The following LRMDA variants were observed in gnomAD, a reference collection of about 807,000 sequenced individuals.
The protein encoded by LRMDA is leucine-rich melanocyte differentiation-associated protein.
Under a neutral mutation model 29.8 loss-of-function variants are expected in LRMDA, and 18 were observed. That is an observed-to-expected ratio of 0.60 (90% CI 0.42 to 0.90). The LOEUF is 0.90. LRMDA is among the 40% of genes least tolerant of loss of function. LRMDA has a pLI of 0.00. For synonymous variants in LRMDA, 125 were observed against 109.4 expected (o/e 1.14, Z -0.89); for missense variants, 273 against 273.9 (o/e 1.00, Z 0.02).
At chr10:76,144,736 A>G (rs1187615790) in intron 5 of LRMDA, among the ~76,000 whole-genome samples, 1 of 152,080 alleles carries the variant, frequency 6.6e-6, no homozygotes, top group Non-Finnish European at 1.5e-5. Context: ...TATGTTGAAT[A>G]GGAGTGGTGA....
rs150040433 is a variant in LRMDA at position 75,472,471 on chromosome 10, G to A, written c.131+33977G>A. On this transcript the variant is annotated intron_variant, in intron 2 of 6. Coordinates refer to ENST00000611255, the MANE Select transcript of LRMDA (RefSeq NM_001305581.2). ...TACCCAAGCCCAGGCAAGAGGAAAT[G>A]AGTGTCATGTAAGTGGCAGAACTCC... 1.2e-4 allele frequency among the ~76,000 whole-genome samples: 19 copies of A among 152,368 alleles called. No individual in the cohort carries two copies. The East Asian group carries it at 3.7e-3, about 29-fold the overall frequency.
At chr10:75,557,764 C>A (rs1164806458) in intron 2 of LRMDA, among the ~76,000 whole-genome samples, 1 of 152,168 alleles carries the variant, frequency 6.6e-6, no homozygotes. Flanking sequence ...TAAGCAAGTG[C>A]CTCTGTTTTC....
intron 2 of LRMDA, among the ~76,000 whole-genome samples, chr10:75,514,724 C>T (rs145930554): frequency 6.6e-6 from 1 of 152,314 alleles, no homozygotes; most frequent in Non-Finnish European, 1.5e-5. Context: ...TCGCCTTCTG[C>T]TAGGAGTGAA....
intron 2 of LRMDA, among the ~76,000 whole-genome samples, chr10:75,976,486 C>G (rs1424523497): frequency 1.3e-5 from 2 of 152,186 alleles, no homozygotes; most frequent in African/African-American, 4.8e-5. Flanking sequence ...TGTGTATTGT[C>G]TGTCTACCCC....
chr10:75,842,089 G>A (rs544731799), intron 2 of LRMDA, among the ~76,000 whole-genome samples: 5 of 152,172 alleles, frequency 3.3e-5, no homozygotes, highest in African/African-American at 1.2e-4. Context: ...ATGAAAACTG[G>A]GTTTACTCTA....
At chr10:75,837,061 T>C (rs140037671) in intron 2 of LRMDA, among the ~76,000 whole-genome samples, 259 of 152,282 alleles carry the variant, frequency 1.7e-3, no homozygotes, top group African/African-American at 6.0e-3. Flanking sequence ...GAAATCTATA[T>C]TGATATACTG....
At chr10:75,927,795 G>C (rs1846144079) in intron 2 of LRMDA, among the ~76,000 whole-genome samples, 1 of 152,192 alleles carries the variant, frequency 6.6e-6, no homozygotes, top group Admixed American at 6.5e-5. Flanking sequence ...TTACAAAGCA[G>C]GTCTAATGTA....
intron 5 of LRMDA, 24 bp downstream of exon 5, chr10:76,058,807 T>C (rs1248750411): frequency 1.3e-6 from 2 of 1,550,756 alleles, no homozygotes; most frequent in Non-Finnish European, 1.8e-6. Context: ...TTGCTGTTCT[T>C]CACAAGGGAT....
At chr10:75,629,615 CTT>C (rs5786182) in intron 2 of LRMDA, among the ~76,000 whole-genome samples, 12 of 151,452 alleles carry the variant, frequency 7.9e-5, no homozygotes, top group Non-Finnish European at 1.5e-4. Flanking sequence ...ATTAAGTCCT[CTT>C]TTTTTTTTAC....
intron 2 of LRMDA, among the ~76,000 whole-genome samples, chr10:75,614,660 A>C (rs1841076458): frequency 6.6e-6 from 1 of 152,074 alleles, no homozygotes; most frequent in South Asian, 2.1e-4. Flanking sequence ...CCCTGTGTTT[A>C]TATATTTATC....
intron 5 of LRMDA, among the ~76,000 whole-genome samples, chr10:76,236,324 A>G (rs1041924369): frequency 6.6e-6 from 1 of 152,200 alleles, no homozygotes. Flanking sequence ...CATTGTTCCT[A>G]TAGACAGGAT....
intron 2 of LRMDA, among the ~76,000 whole-genome samples, chr10:75,792,147 C>A (rs1026306026): frequency 8.5e-5 from 13 of 152,060 alleles, no homozygotes; most frequent in African/African-American, 3.1e-4. Context: ...CCACCTTGCC[C>A]GGCCCCAGGA....
chr10:75,669,738 C>G (rs1473860506), intron 2 of LRMDA, among the ~76,000 whole-genome samples: 2 of 152,124 alleles, frequency 1.3e-5, no homozygotes, highest in African/African-American at 4.8e-5. Context: ...TGGTGTTACG[C>G]CTCAGTACTT....
chr10:76,472,962 A>G lies in LRMDA; in HGVS notation c.602-84247A>G, dbSNP rs544652238. Among the ~76,000 whole-genome samples the G allele has an allele frequency of 2.0e-5, 3 of 151,738 alleles. No individual in the cohort carries two copies. In the South Asian group the frequency reaches 6.2e-4, roughly 31 times the overall value. On this transcript the variant is annotated intron_variant, in intron 6 of 6. Transcript: ENST00000611255. ...TCTATCAAGCATTTAAAGAAAGTAA[A>G]TGTTAATTCTTCACAAAGTCTTCCC...
intron 2 of LRMDA, among the ~76,000 whole-genome samples, chr10:75,466,502 G>A (rs1239960283): frequency 6.6e-6 from 1 of 152,092 alleles, no homozygotes; most frequent in Non-Finnish European, 1.5e-5. Flanking sequence ...CACCAGCCTT[G>A]GGCTGTTCTG....
rs1456001640 is a variant in LRMDA, at chr10:76,419,360, C to CT, written c.601+94882dup. ...ACAGCATGTATCCTTTTCAAATTAGCTTTTTTTCAGTTGGTAATATGCATT... is the reference window on the plus strand; with the variant it reads ...ACAGCATGTATCCTTTTCAAATTAGCTTTTTTTTCAGTTGGTAATATGCATT... On this transcript the variant is annotated intron_variant, in intron 6 of 6. Coordinates refer to ENST00000611255, the MANE Select transcript of LRMDA (RefSeq NM_001305581.2). Among the ~76,000 whole-genome samples, 4 of 152,066 alleles carry CT rather than the reference C, an allele frequency of 2.6e-5. No individual in the cohort carries two copies. In the South Asian group the frequency reaches 6.2e-4, roughly 24 times the overall value.
At chr10:76,186,135 G>A (rs190417105) in intron 5 of LRMDA, among the ~76,000 whole-genome samples, 1 of 152,098 alleles carries the variant, frequency 6.6e-6, no homozygotes, top group Non-Finnish European at 1.5e-5. Context: ...TTTAGCCTGA[G>A]GTGTGGAATG....
intron 2 of LRMDA, among the ~76,000 whole-genome samples, chr10:75,568,477 A>G (rs1045411743): frequency 1.3e-5 from 2 of 152,250 alleles, no homozygotes; most frequent in South Asian, 2.1e-4. Flanking sequence ...AATTAAACAT[A>G]TACTTATTCT....
intron 2 of LRMDA, among the ~76,000 whole-genome samples, chr10:75,801,108 CT>C (rs1843737895): frequency 6.6e-6 from 1 of 152,218 alleles, no homozygotes; most frequent in African/African-American, 2.4e-5. Flanking sequence ...CAGACCCTGA[CT>C]TTTTAATGAT....
Sources: gnomAD v4.1 joint callset for allele counts (sites outside exome capture counted in the v4.1 genomes callset) on GRCh38, gnomAD v4.1.1 for gene constraint, MANE v1.5 for transcripts, NCBI Gene and HGNC (gene_info 2026-07-23, HGNC 2026-07-21) for gene names.